CENPP: variants seen among roughly 807,000 people sequenced by gnomAD.
CENPP encodes the protein centromere protein P.
CENPP carries 24 observed loss-of-function variants against 35.6 expected under a neutral mutation model. The ratio of observed to expected loss-of-function variants is 0.67; its 90% CI spans 0.49 to 0.95. CENPP has a LOEUF of 0.95. Ranked by LOEUF, CENPP falls within the 40% of genes least tolerant of loss-of-function variation. The pLI is 0.00. For missense variants in CENPP, 332 were observed against 345.3 expected (o/e 0.96, Z 0.31); for synonymous variants, 120 against 125.5 (o/e 0.96, Z 0.29).
chr9:92,422,628 G>A (rs2130972229), intron 5 of CENPP, among the ~76,000 whole-genome samples: 1 of 152,178 alleles, frequency 6.6e-6, no homozygotes, highest in African/African-American at 2.4e-5. Context: ...AAACATCCTT[G>A]TCCTCCTCCC....
intron 5 of CENPP, among the ~76,000 whole-genome samples, chr9:92,452,909 G>T (rs1844755735): frequency 6.6e-6 from 1 of 152,130 alleles, no homozygotes; most frequent in Non-Finnish European, 1.5e-5. Context: ...AGTATGCTCT[G>T]ATGGTAGTTT....
intron 5 of CENPP, among the ~76,000 whole-genome samples, chr9:92,412,307 G>A (rs915338451): frequency 1.3e-5 from 2 of 151,980 alleles, no homozygotes; most frequent in African/African-American, 4.8e-5. Flanking sequence ...GGCCAGTCTT[G>A]AACTTCTGGC....
At chr9:92,546,490 G>A (rs1268386416) in intron 5 of CENPP, among the ~76,000 whole-genome samples, 1 of 152,132 alleles carries the variant, frequency 6.6e-6, no homozygotes, top group African/African-American at 2.4e-5. Context: ...GAACCCACTG[G>A]GAGAAAAGAA....
intron 5 of CENPP, among the ~76,000 whole-genome samples, chr9:92,392,335 A>T (rs1270648508): frequency 6.6e-6 from 1 of 152,166 alleles, no homozygotes; most frequent in East Asian, 1.9e-4. Context: ...TTTAAAAAAT[A>T]CTTCCCTGCC....
At chr9:92,532,121 G>A (rs542857926) in intron 5 of CENPP, among the ~76,000 whole-genome samples, 1 of 142,242 alleles carries the variant, frequency 7.0e-6, no homozygotes, top group Non-Finnish European at 1.5e-5. Context: ...TCAACCTTTC[G>A]AGTAGCTGGG....
At chr9:92,527,447 A>G in intron 5 of CENPP, among the ~76,000 whole-genome samples, 1 of 152,370 alleles carries the variant, frequency 6.6e-6, no homozygotes, top group East Asian at 1.9e-4. Flanking sequence ...AGGTTGTCCC[A>G]TCTAGGTTCG....
chr9:92,387,691 T>G (rs1218585049), intron 5 of CENPP, among the ~76,000 whole-genome samples: 1 of 152,216 alleles, frequency 6.6e-6, no homozygotes, highest in African/African-American at 2.4e-5. Context: ...TGAGGTAGAA[T>G]AACCTAATTC....
At chr9:92,384,775 G>A (rs1842358444) in intron 5 of CENPP, 1 of 151,986 alleles carries the variant, frequency 6.6e-6, no homozygotes, top group South Asian at 2.1e-4. Flanking sequence ...TCTCATTTCT[G>A]TAGTATAAAA....
At chr9:92,514,119 G>A (rs915346383) in intron 5 of CENPP, among the ~76,000 whole-genome samples, 7 of 136,242 alleles carry the variant, frequency 5.1e-5, no homozygotes, top group African/African-American at 9.2e-5. Context: ...AATGAGAATC[G>A]TTCACTTTTT....
At chr9:92,469,745 C>T (rs1438987014) in intron 5 of CENPP, among the ~76,000 whole-genome samples, 3 of 152,056 alleles carry the variant, frequency 2.0e-5, no homozygotes, top group South Asian at 2.1e-4. Flanking sequence ...CCAGAGTCAG[C>T]GAGGCAGGAG....
intron 5 of CENPP, among the ~76,000 whole-genome samples, chr9:92,512,487 C>T (rs1363749181): frequency 6.6e-6 from 1 of 152,130 alleles, no homozygotes; most frequent in East Asian, 1.9e-4. Flanking sequence ...TTTTATTCTT[C>T]ATATTTTCCC....
chr9:92,408,482 C>G (rs953129063), intron 5 of CENPP, among the ~76,000 whole-genome samples: 1 of 152,230 alleles, frequency 6.6e-6, no homozygotes, highest in Non-Finnish European at 1.5e-5. Flanking sequence ...TTGCACCCAG[C>G]TGAGTTCTAG....
At chr9:92,374,894 A>T (rs1842089859) in intron 4 of CENPP, among the ~76,000 whole-genome samples, 1 of 152,154 alleles carries the variant, frequency 6.6e-6, no homozygotes, top group Admixed American at 6.5e-5. Flanking sequence ...CAAGTAACAG[A>T]CCTCAGCTTT....
chr9:92,532,015 G>GTT lies in CENPP; in HGVS notation c.565-79287_565-79286dup, dbSNP rs71362397. Among the ~76,000 whole-genome samples, 227 of 95,678 alleles carry GTT rather than the reference G, an allele frequency of 2.4e-3. 37 individuals are homozygous for GTT. Among genetic ancestry groups the GTT allele is most frequent in the Middle Eastern group, 6.8e-3 (1 of 146 alleles). The allele number at this position is 95,678 out of a possible 152,430, so 62.8% of individuals were successfully genotyped here. ...TTTTCTTTTTCTTTTTTTATTTAAT[G>GTT]TTTTTTTTTTTTTATTTTATTTTTT... On this transcript the variant is annotated intron_variant, in intron 5 of 7. Coordinates refer to ENST00000375587, the MANE Select transcript of CENPP (RefSeq NM_001012267.3).
chr9:92,603,046 C>T (rs1457849889), intron 5 of CENPP, among the ~76,000 whole-genome samples: 6 of 152,186 alleles, frequency 3.9e-5, no homozygotes, highest in African/African-American at 1.4e-4. Flanking sequence ...GCCTTGGCCT[C>T]CCAAAGTGCT....
Position 92,532,039 on chromosome 9 carries a change from T to A in CENPP, c.565-79275T>A, listed in dbSNP as rs538586250. Among the ~76,000 whole-genome samples the A allele has an allele frequency of 2.6e-4, 36 of 141,156 alleles. 1 individual carries two copies. The highest frequency in any genetic ancestry group is 1.1e-3 in the South Asian group (5 of 4,502). 92.6% of individuals were successfully genotyped at this position (141,156 alleles called of 152,430 possible). ...TGTTTTTTTTTTTTTATTTTATTTTTTTTTTGAGATGAGGTCTCACTATGT... is the reference window on the plus strand; with the variant it reads ...TGTTTTTTTTTTTTTATTTTATTTTATTTTTGAGATGAGGTCTCACTATGT... On this transcript the variant is annotated intron_variant, in intron 5 of 7. Coordinates refer to ENST00000375587, the MANE Select transcript of CENPP (RefSeq NM_001012267.3).
Position 92,325,959 on chromosome 9 carries a change from A to G in CENPP, c.-40A>G, listed in dbSNP as rs1192202317. On this transcript the variant is annotated 5_prime_UTR_variant, in exon 1 of 8. Transcript: ENST00000375587. ...CGGGTGAAGCGCGCAGGTCGGAGTG[A>G]CAGCTGCGCTGCCGGCCCGGCTGCG... 1 of 1,506,598 alleles carries G rather than the reference A, an allele frequency of 6.6e-7. No individual in the cohort carries two copies. Among genetic ancestry groups the G allele is most frequent in the East Asian group, 2.5e-5 (1 of 40,560 alleles). 93.3% of individuals were successfully genotyped at this position (1,506,598 alleles called of 1,614,324 possible).
At chr9:92,559,627 C>T (rs1210398504) in intron 5 of CENPP, among the ~76,000 whole-genome samples, 2 of 152,044 alleles carry the variant, frequency 1.3e-5, no homozygotes, top group African/African-American at 4.8e-5. Context: ...CTAGTCCTGC[C>T]TCCTGTCTGC....
Position 92,613,266 on chromosome 9 carries a change from A to G in CENPP, c.*117A>G, listed in dbSNP as rs1281566597. 2.1e-5 allele frequency: 25 copies of G among 1,177,466 alleles called. No homozygotes were observed. Among genetic ancestry groups the G allele is most frequent in the Non-Finnish European group, 3.0e-5 (24 of 810,512 alleles). 72.9% of individuals were successfully genotyped at this position (1,177,466 alleles called of 1,614,324 possible). A position where few individuals can be genotyped will look rare whatever the true frequency, so the allele number is the denominator to read the frequency against. On this transcript the variant is annotated 3_prime_UTR_variant, in exon 8 of 8. Coordinates refer to ENST00000375587, the MANE Select transcript of CENPP (RefSeq NM_001012267.3). The stretch of plus-strand genomic sequence containing the variant: ...ACCACACCCTGAAGACGTGCTGTCT[A>G]TGCAGTTATGGCACATTATATGGAA...
Sources: gnomAD v4.1 joint callset for allele counts (sites outside exome capture counted in the v4.1 genomes callset) on GRCh38, gnomAD v4.1.1 for gene constraint, MANE v1.5 for transcripts, NCBI Gene and HGNC (gene_info 2026-07-23, HGNC 2026-07-21) for gene names.